INTS10: variants seen among roughly 807,000 people sequenced by gnomAD.
INTS10 encodes the protein integrator complex subunit 10.
INTS10 carries 44 observed loss-of-function variants against 94.4 expected under a neutral mutation model. That is an observed-to-expected ratio of 0.47 (90% CI 0.37 to 0.60). The LOEUF is 0.60. INTS10 is among the 20% of genes least tolerant of loss of function. The probability of loss-of-function intolerance (pLI) is 0.00; values close to 1 mark genes in which losing one functional copy is unlikely to be tolerated. For missense variants in INTS10, 797 were observed against 868.7 expected (o/e 0.92, Z 1.04); for synonymous variants, 341 against 320.7 (o/e 1.06, Z -0.68).
chr8:19,832,201 C>CCT lies in INTS10; in HGVS notation c.1377+94_1377+95dup. ...TTCCTATGCAGAATGTGTCATGTTC[C>CCT]CTCTTGGGCTAGTCCACTGCCTCCT... is the stretch of plus-strand genomic sequence containing the variant. On this transcript the variant is annotated intron_variant, in intron 11 of 16. Coordinates refer to ENST00000397977, the MANE Select transcript of INTS10 (RefSeq NM_018142.4). 6.6e-6 allele frequency: 5 copies of CCT among 759,476 alleles called. No homozygotes were observed. In the South Asian group the frequency reaches 7.1e-5, roughly 11 times the overall value. The allele number at this position is 759,476 out of a possible 1,614,324, so 47.0% of individuals were successfully genotyped here.
intron 15 of INTS10, 145 bp downstream of exon 15, chr8:19,844,383 G>T: frequency 1.6e-6 from 1 of 643,212 alleles, no homozygotes; most frequent in South Asian, 2.3e-5. Context: ...TAAAACTGGG[G>T]CTGTGGCAGT....
At chr8:19,818,791 C>T (rs1196175947) in intron 2 of INTS10, 1 of 165,700 alleles carries the variant, frequency 6.0e-6, no homozygotes, top group Non-Finnish European at 1.3e-5. Flanking sequence ...GTTTCCTTTA[C>T]TCACTCTCAT....
Position 19,826,516 on chromosome 8 carries a change from T to A in INTS10, c.1097T>A (p.Ile366Asn). The change falls in exon 9 of 17, where the codon ATC (isoleucine) becomes AAC (asparagine). Residue 366 changes from isoleucine to asparagine, a missense_variant. Physicochemically the swap from Ile to Asn is moderately radical, Grantham distance 149. Around this residue, in one of 3 missense-constraint regions of INTS10, gnomAD observed 734 missense variants for 787.8 expected, o/e 0.93. Coordinates refer to ENST00000397977, the MANE Select transcript of INTS10 (RefSeq NM_018142.4). ...GDVEIDRNKH[I>N]HKKRKLAEGR... ...GTAGAAATTGATCGTAATAAACACA[T>A]CCATAAAAAGAGGAAACTAGCTGAA... is the stretch of plus-strand genomic sequence containing the variant. 1 of 1,612,626 alleles carries A rather than the reference T, an allele frequency of 6.2e-7. No homozygotes were observed. Among genetic ancestry groups the A allele is most frequent in the Non-Finnish European group, 8.5e-7 (1 of 1,179,540 alleles).
chr8:19,824,108 CAT>C (rs1460148113), intron 7 of INTS10, 64 bp downstream of exon 7: 1 of 1,390,782 alleles, frequency 7.2e-7, no homozygotes, highest in East Asian at 2.4e-5. Context: ...AAAACAAAAT[CAT>C]GCTTTTTAAA....
At chr8:19,832,538 C>T (rs533998843) in intron 11 of INTS10, among the ~76,000 whole-genome samples, 1 of 152,286 alleles carries the variant, frequency 6.6e-6, no homozygotes, top group African/African-American at 2.4e-5. Context: ...CCACTGCACC[C>T]CAGCCTGGGT....
intron 10 of INTS10, among the ~76,000 whole-genome samples, chr8:19,831,148 C>G (rs2067198432): frequency 6.6e-6 from 1 of 152,268 alleles, no homozygotes; most frequent in East Asian, 1.9e-4. Context: ...CCTTATTTTA[C>G]TTTTAGCCCG....
Position 19,824,954 on chromosome 8 carries a change from C to G in INTS10, c.988C>G (p.Gln330Glu), listed in dbSNP as rs771917942. 1.9e-6 allele frequency: 3 copies of G among 1,613,814 alleles called. No homozygotes were observed. In the South Asian group the frequency reaches 3.3e-5, roughly 18 times the overall value. Residue 330 changes from glutamine (Q) to glutamate (E), a missense_variant, in exon 8 of 17, where the codon CAG (glutamine) becomes GAG (glutamate). Physicochemically the swap from Gln to Glu is conservative, Grantham distance 29. This residue lies in a region of INTS10 where 734 missense variants were observed against 787.8 expected (regional missense o/e 0.93). Coordinates refer to ENST00000397977, the MANE Select transcript of INTS10 (RefSeq NM_018142.4). ...KNAFQYVNSI[Q>E]PSLFQGPNAP... Reference sequence around the variant, plus strand: ...TGCATTCCAGTATGTCAACAGCATACAGCCATCTCTCTTCCAAGGTTGGTT... The same window carrying G: ...TGCATTCCAGTATGTCAACAGCATAGAGCCATCTCTCTTCCAAGGTTGGTT...
chr8:19,841,482 C>A (rs746799956), intron 13 of INTS10, among the ~76,000 whole-genome samples: 6 of 152,138 alleles, frequency 3.9e-5, no homozygotes, highest in Non-Finnish European at 5.9e-5. Flanking sequence ...ATTATCCAAT[C>A]CCCATAGAAA....
At chr8:19,850,321 G>A (rs367813252) in intron 16 of INTS10, among the ~76,000 whole-genome samples, 24 of 152,020 alleles carry the variant, frequency 1.6e-4, no homozygotes, top group Non-Finnish European at 3.1e-4. Context: ...GGACCTCACC[G>A]ATGCTATGTC....
chr8:19,845,819 C>T, intron 16 of INTS10, 22 bp downstream of exon 16: 3 of 1,531,136 alleles, frequency 2.0e-6, no homozygotes, highest in African/African-American at 1.4e-5. Flanking sequence ...CTCTTTTGCT[C>T]TTCCATGCTG....
chr8:19,841,768 C>G, intron 13 of INTS10: 1 of 449,818 alleles, frequency 2.2e-6, no homozygotes, highest in Non-Finnish European at 4.5e-6. Context: ...AAATGTACCT[C>G]GCGTCCTAGT....
At chr8:19,839,621 C>T (rs2067957908) in intron 13 of INTS10, among the ~76,000 whole-genome samples, 1 of 152,058 alleles carries the variant, frequency 6.6e-6, no homozygotes, top group Non-Finnish European at 1.5e-5. Flanking sequence ...TCGCTTGAGC[C>T]CAGGAGGTCA....
At chr8:19,844,331 A>C (rs2128807213) in intron 15 of INTS10, 93 bp downstream of exon 15, 2 of 974,978 alleles carry the variant, frequency 2.1e-6, no homozygotes, top group Non-Finnish European at 3.0e-6. Context: ...GGATAGAAAT[A>C]ATGATTTTTA....
chr8:19,818,686 G>C (rs1191045166), intron 2 of INTS10: 1 of 321,666 alleles, frequency 3.1e-6, no homozygotes, highest in Non-Finnish European at 6.0e-6. Context: ...TTTGTAGGCA[G>C]TATATCTATA....
At chr8:19,834,998 AG>A (rs2067538282) in intron 12 of INTS10, among the ~76,000 whole-genome samples, 1 of 152,066 alleles carries the variant, frequency 6.6e-6, no homozygotes, top group African/African-American at 2.4e-5. Context: ...CACCTCCCAA[AG>A]GCTGTCCCTC....
intron 12 of INTS10, 111 bp from the exon 13 acceptor site, chr8:19,836,941 A>T (rs1266310702): frequency 2.9e-6 from 2 of 694,622 alleles, no homozygotes; most frequent in Admixed American, 4.5e-5. Flanking sequence ...GTAGAAATAC[A>T]GACTTCCATG....
At chr8:19,834,500 G>A (rs189808160) in intron 12 of INTS10, among the ~76,000 whole-genome samples, 19 of 152,072 alleles carry the variant, frequency 1.2e-4, no homozygotes, top group South Asian at 4.2e-4. Flanking sequence ...TACTCACACC[G>A]ACATACATAT....
chr8:19,831,514 G>C (rs1044119309), intron 10 of INTS10, among the ~76,000 whole-genome samples: 1 of 151,922 alleles, frequency 6.6e-6, no homozygotes, highest in Admixed American at 6.6e-5. Context: ...GCAAAACCCC[G>C]TCTCTATAAA....
At chr8:19,837,220 G>A (rs1380255629) in intron 13 of INTS10, 60 bp downstream of exon 13, 2 of 1,067,742 alleles carry the variant, frequency 1.9e-6, no homozygotes, top group East Asian at 2.4e-5. Context: ...CAGGCACGGT[G>A]GCTCACACTT....
Sources: allele counts gnomAD v4.1 joint callset (sites outside exome capture counted in the v4.1 genomes callset), GRCh38; gene constraint gnomAD v4.1.1; regional missense constraint gnomAD v4.1.1; transcripts MANE v1.5; gene names NCBI Gene and HGNC (gene_info 2026-07-23, HGNC 2026-07-21).